AVEN: variants seen among roughly 807,000 people sequenced by gnomAD.
The protein encoded by AVEN is apoptosis and caspase activation inhibitor.
In AVEN, 41 loss-of-function variants were observed where a neutral mutation model predicts 38.1. The observed-to-expected ratio is 1.08, with a 90% CI of 0.84 to 1.40. The LOEUF (loss-of-function observed/expected upper bound fraction) is 1.40. AVEN is among the 40% of genes most tolerant of loss of function. AVEN has a pLI of 0.00. For missense variants in AVEN, 605 were observed against 438.8 expected (o/e 1.38, Z -3.38); for synonymous variants, 206 against 171.8 (o/e 1.20, Z -1.56).
At chr15:33,867,159 G>A (rs1325610228) in intron 5 of AVEN, among the ~76,000 whole-genome samples, 8 of 152,190 alleles carry the variant, frequency 5.3e-5, no homozygotes, top group Non-Finnish European at 1.0e-4. Flanking sequence ...ATGAAGAGGT[G>A]GCCTGTCAGT....
chr15:33,934,923 G>T (rs1399001448), intron 2 of AVEN, among the ~76,000 whole-genome samples: 1 of 152,284 alleles, frequency 6.6e-6, no homozygotes, highest in South Asian at 2.1e-4. Context: ...ATGAAACGAT[G>T]TAAGTAAAGG....
chr15:34,062,971 A>C, exon 5 of AVEN: 2 of 1,613,978 alleles, frequency 1.2e-6, no homozygotes, highest in Non-Finnish European at 1.7e-6. Context: ...TTCTCCATGA[A>C]CCTCTACACC....
intron 5 of AVEN, among the ~76,000 whole-genome samples, chr15:34,049,460 T>C (rs1899849201): frequency 6.6e-6 from 1 of 152,148 alleles, no homozygotes; most frequent in Non-Finnish European, 1.5e-5. Flanking sequence ...ATCGCAGAGT[T>C]TGAAGACTAT....
At chr15:33,858,772 AGTTTATTTTGACCAGAT>A (rs1230125143) in exon 12 of AVEN, 4 of 152,282 alleles carry the variant, frequency 2.6e-5, no homozygotes, top group African/African-American at 9.6e-5. Flanking sequence ...CAACATCGCC[AGTTTATTTTGACCAGAT>A]TTCAGAAAAA....
At chr15:34,058,326 TA>T (rs1290553783) in intron 5 of AVEN, among the ~76,000 whole-genome samples, 1 of 152,070 alleles carries the variant, frequency 6.6e-6, no homozygotes, top group Non-Finnish European at 1.5e-5. Flanking sequence ...TATTGATAAA[TA>T]AAAAATTACA....
intron 2 of AVEN, among the ~76,000 whole-genome samples, chr15:33,894,011 G>A (rs531401740): frequency 2.0e-5 from 3 of 150,906 alleles, no homozygotes; most frequent in East Asian, 1.9e-4. Context: ...GTGCAATGGC[G>A]TGATCTCGGC....
At chr15:33,908,250 G>GCAACTACC (rs1892783032) in intron 2 of AVEN, among the ~76,000 whole-genome samples, 2,823 of 49,812 alleles carry the variant, frequency 0.057, 849 homozygotes, top group Middle Eastern at 0.1. Flanking sequence ...ACATAACCAG[G>GCAACTACC]ATTCTTTTAC....
At chr15:33,863,924 C>G (rs1200599026), downstream of AVEN, among the ~76,000 whole-genome samples, 1 of 152,174 alleles carries the variant, frequency 6.6e-6, no homozygotes, top group Non-Finnish European at 1.5e-5. Context: ...TGGCAAAAAG[C>G]ATCTCTCCTC....
chr15:34,004,723 T>C (rs1897269595), intron 1 of AVEN, among the ~76,000 whole-genome samples: 1 of 152,202 alleles, frequency 6.6e-6, no homozygotes, highest in Non-Finnish European at 1.5e-5. Flanking sequence ...AAATATACTA[T>C]ACTTAATTGG....
intron 2 of AVEN, among the ~76,000 whole-genome samples, chr15:33,887,126 T>C (rs553186454): frequency 6.6e-6 from 1 of 152,320 alleles, no homozygotes; most frequent in African/African-American, 2.4e-5. Flanking sequence ...GATAATTTTT[T>C]TCGGGTGGCC....
chr15:34,005,492 G>C (rs569351903), intron 1 of AVEN, among the ~76,000 whole-genome samples: 5 of 152,244 alleles, frequency 3.3e-5, no homozygotes, highest in African/African-American at 1.2e-4. Context: ...GCTCAATGGA[G>C]TCAAGCTAAA....
chr15:33,854,137 A>G (rs892570047), downstream of AVEN, among the ~76,000 whole-genome samples: 1 of 151,330 alleles, frequency 6.6e-6, no homozygotes, highest in East Asian at 1.9e-4. Flanking sequence ...TGGAGGTTGC[A>G]GTAAGCCAAG....
chr15:33,867,749 G>T lies in AVEN; in HGVS notation c.719C>A (p.Pro240His). ...AGCCACAGATTTCAGCTCAAAGATG[G>T]GCCCCCTTCCTCCAGGCCCCAAGGG... is the stretch of plus-strand genomic sequence containing the variant. ...KGPLGPGGRG[P>H]IFELKSVAAG... Residue 240 changes from proline (P) to histidine (H), a missense_variant, in exon 5 of 6, where the codon CCC becomes CAC. Transcript: ENST00000306730. 1 of 1,614,118 alleles carries T rather than the reference G, an allele frequency of 6.2e-7. No homozygotes were observed. The highest frequency in any genetic ancestry group is 8.5e-7 in the Non-Finnish European group (1 of 1,180,020).
intron 2 of AVEN, among the ~76,000 whole-genome samples, chr15:33,995,463 T>C (rs1369964328): frequency 6.6e-6 from 1 of 152,224 alleles, no homozygotes; most frequent in Non-Finnish European, 1.5e-5. Context: ...TTTGCCATTT[T>C]ATATCAGAGA....
intron 2 of AVEN, among the ~76,000 whole-genome samples, chr15:33,951,382 A>T (rs1894738958): frequency 1.4e-5 from 2 of 144,774 alleles, no homozygotes; most frequent in South Asian, 2.4e-4. Context: ...GCCTTCAAAA[A>T]TTCCTTCATT....
chr15:33,904,321 G>A (rs1892600034), intron 2 of AVEN, among the ~76,000 whole-genome samples: 2 of 152,204 alleles, frequency 1.3e-5, no homozygotes, highest in African/African-American at 4.8e-5. Context: ...TTGGGAGACT[G>A]AGGCAGGAGA....
rs1463184076 is a variant in AVEN, at chr15:33,951,356, C to A, written c.445+51676G>T. Among the ~76,000 whole-genome samples, 3 of 150,290 alleles carry A rather than the reference C, an allele frequency of 2.0e-5. No homozygotes were observed. In the East Asian group the frequency reaches 6.0e-4, roughly 30 times the overall value. The stretch of plus-strand genomic sequence containing the variant: ...TACTTCTAGACATTATTCCCAGAAC[C>A]AAAAAGTCTAAACCAGCCTTCAAAA... On this transcript the variant is annotated intron_variant, in intron 2 of 5. Coordinates refer to ENST00000306730, the MANE Select transcript of AVEN (RefSeq NM_020371.3).
chr15:33,933,524 C>CACACACAGAG (rs1893945145), intron 2 of AVEN, among the ~76,000 whole-genome samples: 25 of 46,648 alleles, frequency 5.4e-4, no homozygotes, highest in Non-Finnish European at 8.9e-4. Context: ...CACACACACA[C>CACACACAGAG]AGAGAGAGAG....
intron 2 of AVEN, among the ~76,000 whole-genome samples, chr15:33,901,195 AG>A (rs1486631552): frequency 6.6e-6 from 1 of 152,190 alleles, no homozygotes; most frequent in Non-Finnish European, 1.5e-5. Flanking sequence ...TGAACCCGGG[AG>A]GCGGAGCTTG....
Sources: allele counts gnomAD v4.1 joint callset (sites outside exome capture counted in the v4.1 genomes callset), GRCh38; gene constraint gnomAD v4.1.1; transcripts MANE v1.5; gene names NCBI Gene and HGNC (gene_info 2026-07-23, HGNC 2026-07-21).